Variants in KSR2 observed in about 807,000 individuals in gnomAD.
The protein encoded by KSR2 is kinase suppressor of ras 2.
In KSR2, 25 loss-of-function variants were observed where a neutral mutation model predicts 107.8. That is an observed-to-expected ratio of 0.23 (90% CI 0.17 to 0.32). The LOEUF (loss-of-function observed/expected upper bound fraction) is 0.32, where lower values mean the gene tolerates loss of function less well. KSR2 is among the 10% of genes least tolerant of loss of function. KSR2 has a pLI of 1.00. For missense variants in KSR2, 887 were observed against 1,268.9 expected (o/e 0.70, Z 4.57); for synonymous variants, 480 against 507.0 (o/e 0.95, Z 0.71).
intron 5 of KSR2, among the ~76,000 whole-genome samples, chr12:117,635,154 C>T (rs1304886051): frequency 2.0e-5 from 3 of 152,190 alleles, no homozygotes; most frequent in East Asian, 1.9e-4. Context: ...AGCAAGTCTC[C>T]TGTCCCCTCA....
chr12:117,719,791 AAAG>A (rs1182572106), intron 4 of KSR2, among the ~76,000 whole-genome samples: 1 of 152,246 alleles, frequency 6.6e-6, no homozygotes, highest in Admixed American at 6.5e-5. Flanking sequence ...AAGCAATTAC[AAAG>A]AAGATGACCC....
chr12:117,922,623 G>C (rs1895376713), intron 1 of KSR2, among the ~76,000 whole-genome samples: 1 of 152,134 alleles, frequency 6.6e-6, no homozygotes, highest in Non-Finnish European at 1.5e-5. Context: ...GCTCTGCTGA[G>C]AAAGAACTAC....
chr12:117,580,866 CGAGCCAAGGGCGTGGCT>C (rs1242391189), intron 6 of KSR2, among the ~76,000 whole-genome samples: 1 of 150,884 alleles, frequency 6.6e-6, no homozygotes, highest in East Asian at 2.0e-4. Flanking sequence ...GGGGTGTGGC[CGAGCCAAGGGCGTGGCT>C]GAGCCTGGGG....
At chr12:117,624,195 A>G (rs915620533) in intron 5 of KSR2, among the ~76,000 whole-genome samples, 2 of 152,090 alleles carry the variant, frequency 1.3e-5, no homozygotes, top group African/African-American at 4.8e-5. Flanking sequence ...CTCTGATGGT[A>G]GTTTCTTTTG....
At chr12:117,892,012 A>C (rs1208845160) in intron 1 of KSR2, among the ~76,000 whole-genome samples, 1 of 88,528 alleles carries the variant, frequency 1.1e-5, no homozygotes. Flanking sequence ...GAAAAACCAC[A>C]TAACGGCCCA....
intron 1 of KSR2, among the ~76,000 whole-genome samples, chr12:117,963,804 T>C (rs1896722622): frequency 6.6e-6 from 1 of 152,130 alleles, no homozygotes; most frequent in Admixed American, 6.6e-5. Flanking sequence ...AAATGGTCTC[T>C]AGGCTGCCCC....
chr12:117,612,888 G>T (rs113996793), intron 5 of KSR2, among the ~76,000 whole-genome samples: 3,070 of 152,248 alleles, frequency 0.02, 106 homozygotes, highest in African/African-American at 0.07. Context: ...TTAAGTGGCA[G>T]TTCCCCCTGC....
At chr12:117,759,374 G>A (rs537341377) in intron 4 of KSR2, among the ~76,000 whole-genome samples, 1 of 152,204 alleles carries the variant, frequency 6.6e-6, no homozygotes, top group Admixed American at 6.5e-5. Context: ...CTGCAACAGA[G>A]ACTGAATGGT....
At chr12:117,492,722 G>C (rs1872810715) in intron 14 of KSR2, among the ~76,000 whole-genome samples, 1 of 152,180 alleles carries the variant, frequency 6.6e-6, no homozygotes, top group Non-Finnish European at 1.5e-5. Context: ...GGGCCAGATG[G>C]ATGTAATCGC....
chr12:117,913,852 C>A (rs187250758), intron 1 of KSR2, among the ~76,000 whole-genome samples: 9 of 152,160 alleles, frequency 5.9e-5, no homozygotes, highest in African/African-American at 1.9e-4. Flanking sequence ...AAGTTCTCCA[C>A]GCTGGAGTCT....
rs955578585 is a variant in KSR2 at position 117,968,309 on chromosome 12, G to A, written c.-54C>T. 3 of 1,455,970 alleles carry A rather than the reference G, an allele frequency of 2.1e-6. No individual in the cohort carries two copies. The highest frequency in any genetic ancestry group is 1.8e-6 in the Non-Finnish European group (2 of 1,111,482). The allele number at this position is 1,455,970 out of a possible 1,614,324, so 90.2% of individuals were successfully genotyped here. A position where few individuals can be genotyped will look rare whatever the true frequency, so the allele number is the denominator to read the frequency against. On this transcript the variant is annotated 5_prime_UTR_variant, in exon 1 of 20. Transcript: ENST00000339824. ...TCCTCCTCCCAGAGAGAAAAAAGAG[G>A]GGGGGGAGTAGAGGTAGTCTACCCT...
At chr12:117,952,594 T>A (rs1726029866) in intron 1 of KSR2, among the ~76,000 whole-genome samples, 1 of 152,104 alleles carries the variant, frequency 6.6e-6, no homozygotes, top group Non-Finnish European at 1.5e-5. Flanking sequence ...GAGAATTGCT[T>A]GAACCCGGGA....
chr12:117,778,698 G>A (rs950462774), intron 3 of KSR2, among the ~76,000 whole-genome samples: 18 of 152,190 alleles, frequency 1.2e-4, no homozygotes, highest in Non-Finnish European at 2.5e-4. Flanking sequence ...GAGGGAGAAG[G>A]AGGTGAGAAG....
intron 4 of KSR2, among the ~76,000 whole-genome samples, chr12:117,719,332 T>C (rs1887119588): frequency 6.6e-6 from 1 of 152,182 alleles, no homozygotes; most frequent in African/African-American, 2.4e-5. Flanking sequence ...GTAGCTGATA[T>C]TACAAGCATG....
intron 3 of KSR2, among the ~76,000 whole-genome samples, chr12:117,816,839 G>A (rs997258307): frequency 6.6e-6 from 1 of 152,158 alleles, no homozygotes; most frequent in Non-Finnish European, 1.5e-5. Flanking sequence ...AGGCAACAAG[G>A]CTTCCAGAAC....
At chr12:117,709,685 A>G (rs894260390) in intron 4 of KSR2, among the ~76,000 whole-genome samples, 2 of 152,200 alleles carry the variant, frequency 1.3e-5, no homozygotes, top group African/African-American at 4.8e-5. Flanking sequence ...AGCTGCTCAC[A>G]GAAATCATGG....
chr12:117,580,936 G>A (rs1456852861), intron 6 of KSR2, among the ~76,000 whole-genome samples: 2 of 152,008 alleles, frequency 1.3e-5, no homozygotes, highest in Admixed American at 6.6e-5. Flanking sequence ...GGCAGGGCCA[G>A]TCCAGGGGGC....
chr12:117,727,125 C>T (rs1887461425), intron 4 of KSR2, among the ~76,000 whole-genome samples: 1 of 151,834 alleles, frequency 6.6e-6, no homozygotes, highest in Non-Finnish European at 1.5e-5. Context: ...CCTGTAATCC[C>T]AGCACTTTGA....
intron 4 of KSR2, among the ~76,000 whole-genome samples, chr12:117,717,995 G>A (rs1340500074): frequency 6.6e-6 from 1 of 152,162 alleles, no homozygotes; most frequent in Non-Finnish European, 1.5e-5. Flanking sequence ...CAACATTTGT[G>A]TAAGCACCTA....
Sources: gnomAD v4.1 joint callset for allele counts (sites outside exome capture counted in the v4.1 genomes callset) on GRCh38, gnomAD v4.1.1 for gene constraint, MANE v1.5 for transcripts, NCBI Gene and HGNC (gene_info 2026-07-23, HGNC 2026-07-21) for gene names.